Variants in GALNT18 observed in about 807,000 individuals in gnomAD.
The protein encoded by GALNT18 is GalNAc-transferase 18.
A neutral mutation model predicts 69.5 loss-of-function variants in GALNT18; 44 were observed. The observed-to-expected ratio is 0.63, with a 90% CI of 0.50 to 0.81. GALNT18 has a LOEUF of 0.81. Among genes scored for constraint, GALNT18 ranks in the 40% least tolerant of loss-of-function variants. GALNT18 has a pLI of 0.00. For missense variants in GALNT18, 715 were observed against 810.0 expected (o/e 0.88, Z 1.42); for synonymous variants, 364 against 318.2 (o/e 1.14, Z -1.53).
chr11:11,294,867 T>C (rs1849368041), intron 9 of GALNT18, among the ~76,000 whole-genome samples: 1 of 152,148 alleles, frequency 6.6e-6, no homozygotes, highest in African/African-American at 2.4e-5. Context: ...CCCTCATCAC[T>C]AGTGCTCCCC....
At chr11:11,547,568 T>A (rs962812370) in intron 1 of GALNT18, among the ~76,000 whole-genome samples, 1 of 152,088 alleles carries the variant, frequency 6.6e-6, no homozygotes, top group Admixed American at 6.5e-5. Context: ...AGGAAGCCCC[T>A]CTTTGATACC....
rs1858858884 is a variant in GALNT18 at position 11,573,942 on chromosome 11, A to C, written c.235+47417T>G. ...ATCAACATCTCATTATAGAAGGCAG[A>C]GTTCAGAGAAATTAGGATGGCTGCC... On this transcript the variant is annotated intron_variant, in intron 1 of 10. Coordinates refer to ENST00000227756, the MANE Select transcript of GALNT18 (RefSeq NM_198516.3). The surrounding 1 kb of genome is among the most constrained non-coding windows in gnomAD (Gnocchi z 4.6). Among the ~76,000 whole-genome samples the C allele has an allele frequency of 6.6e-6, 1 of 152,178 alleles. No individual in the cohort carries two copies. Among genetic ancestry groups the C allele is most frequent in the African/African-American group, 2.4e-5 (1 of 41,454 alleles).
chr11:11,425,722 A>C (rs561775653), intron 3 of GALNT18, among the ~76,000 whole-genome samples: 1 of 152,286 alleles, frequency 6.6e-6, no homozygotes, highest in Non-Finnish European at 1.5e-5. Context: ...TTCACTGGGC[A>C]CTTGCTCTGT....
At chr11:11,361,455 T>C (rs949169462) in intron 6 of GALNT18, among the ~76,000 whole-genome samples, 3 of 152,240 alleles carry the variant, frequency 2.0e-5, no homozygotes, top group Non-Finnish European at 2.9e-5. Flanking sequence ...CTTAGGACAG[T>C]ATCTCACATA....
intron 1 of GALNT18, among the ~76,000 whole-genome samples, chr11:11,534,043 C>T (rs549786999): frequency 6.6e-6 from 1 of 152,368 alleles, no homozygotes; most frequent in Admixed American, 6.5e-5. Context: ...ACACCCCATG[C>T]TAGCACCCCT....
rs183436223 is a variant in GALNT18, at chr11:11,406,886, C to T, written c.595+25735G>A. 3.9e-5 allele frequency among the ~76,000 whole-genome samples: 6 copies of T among 152,326 alleles called. No individual in the cohort carries two copies. The East Asian group carries it at 1.2e-3, about 29-fold the overall frequency. ...TGGAAGAAAGCCCAAGGCCTTGCCC[C>T]ATAGGTGTGGGTCTTCAGGTTCTTT... is the stretch of plus-strand genomic sequence containing the variant. On this transcript the variant is annotated intron_variant, in intron 3 of 10. Transcript: ENST00000227756.
intron 1 of GALNT18, among the ~76,000 whole-genome samples, chr11:11,483,172 TC>T (rs67517967): frequency 0.48 from 72,247 of 151,934 alleles, 17,497 homozygotes; most frequent in Admixed American, 0.59. Context: ...CTGTCTTGCC[TC>T]CTTGCCTCTA....
At chr11:11,537,100 T>C (rs1477004679) in intron 1 of GALNT18, among the ~76,000 whole-genome samples, 1 of 152,242 alleles carries the variant, frequency 6.6e-6, no homozygotes, top group Non-Finnish European at 1.5e-5. Flanking sequence ...TTTATCCAGA[T>C]CAACTCTGCT....
intron 1 of GALNT18, among the ~76,000 whole-genome samples, chr11:11,611,924 T>C (rs1334292044): frequency 6.6e-6 from 1 of 152,172 alleles, no homozygotes; most frequent in African/African-American, 2.4e-5. Flanking sequence ...CCCTCCAGGT[T>C]CCTTGTAGAC....
intron 1 of GALNT18, among the ~76,000 whole-genome samples, chr11:11,458,201 G>C (rs192252675): frequency 1.3e-5 from 2 of 152,348 alleles, no homozygotes; most frequent in Admixed American, 6.5e-5. Context: ...CCGACTGTCA[G>C]AGGTCACTGT....
chr11:11,519,519 T>C (rs1337821365), intron 1 of GALNT18, among the ~76,000 whole-genome samples: 1 of 152,150 alleles, frequency 6.6e-6, no homozygotes, highest in Admixed American at 6.5e-5. Flanking sequence ...AAAGCAGTGT[T>C]GGGAAAGGTG....
At chr11:11,352,326 A>T (rs756623638) in intron 6 of GALNT18, 1 of 1,614,032 alleles carries the variant, frequency 6.2e-7, no homozygotes, top group Admixed American at 1.7e-5. Flanking sequence ...ACGTGGATCT[A>T]ATTCAATGTT....
At chr11:11,283,625 G>A (rs918728034) in intron 10 of GALNT18, among the ~76,000 whole-genome samples, 9 of 152,198 alleles carry the variant, frequency 5.9e-5, no homozygotes, top group African/African-American at 1.9e-4. Context: ...CATGGCTCTA[G>A]GCTGGGGCTT....
intron 9 of GALNT18, among the ~76,000 whole-genome samples, chr11:11,306,411 C>T (rs1849580435): frequency 6.6e-6 from 1 of 152,118 alleles, no homozygotes. Context: ...AAATGGAGTT[C>T]ATGTGGATAA....
intron 1 of GALNT18, among the ~76,000 whole-genome samples, chr11:11,510,052 C>A (rs1590061811): frequency 1.3e-5 from 2 of 152,270 alleles, no homozygotes; most frequent in South Asian, 4.1e-4. Flanking sequence ...TCACTATGGC[C>A]CAGTGAGTAC....
chr11:11,318,043 A>G lies in GALNT18; in HGVS notation c.1512+9043T>C, dbSNP rs530766006. The stretch of plus-strand genomic sequence containing the variant: ...ATATCTAAGTTTTTGTGACAAAGAC[A>G]AGATCTCCCGGACACACAGAAAACC... On this transcript the variant is annotated intron_variant, in intron 9 of 10. Coordinates refer to ENST00000227756, the MANE Select transcript of GALNT18 (RefSeq NM_198516.3). The surrounding 1 kb of genome is among the most constrained non-coding windows in gnomAD (Gnocchi z 5.1). Among the ~76,000 whole-genome samples, 13 of 152,342 alleles carry G rather than the reference A, an allele frequency of 8.5e-5. No individual in the cohort carries two copies. Among genetic ancestry groups the G allele is most frequent in the African/African-American group, 3.1e-4 (13 of 41,586 alleles).
chr11:11,539,012 T>G (rs1857848708), intron 1 of GALNT18, among the ~76,000 whole-genome samples: 1 of 152,196 alleles, frequency 6.6e-6, no homozygotes, highest in South Asian at 2.1e-4. Context: ...TATCTTGTTC[T>G]CTGTGACATC....
intron 9 of GALNT18, among the ~76,000 whole-genome samples, chr11:11,294,388 G>A (rs1321227575): frequency 6.6e-6 from 1 of 152,146 alleles, no homozygotes; most frequent in Non-Finnish European, 1.5e-5. Context: ...GAAAGTGGGT[G>A]GTAAACCTAG....
chr11:11,340,103 C>CAACTT lies in GALNT18; in HGVS notation c.1278+715_1278+716insAAGTT, dbSNP rs1850177410. 6.6e-6 allele frequency among the ~76,000 whole-genome samples: 1 copy of CAACTT among 151,426 alleles called. No individual in the cohort carries two copies. The highest frequency in any genetic ancestry group is 2.4e-5 in the African/African-American group (1 of 41,166). ...TTGGAATCATGTGGCTGGCATCTCT[C>CAACTT]AGTAGTAGAGCTGGGTTCTCTCAAC... On this transcript the variant is annotated intron_variant, in intron 7 of 10. Transcript: ENST00000227756. The surrounding 1 kb of genome is among the most constrained non-coding windows in gnomAD (Gnocchi z 4.2).
Sources: allele counts gnomAD v4.1 joint callset (sites outside exome capture counted in the v4.1 genomes callset), GRCh38; gene constraint gnomAD v4.1.1; non-coding constraint Gnocchi (gnomAD v3.1); transcripts MANE v1.5; gene names NCBI Gene and HGNC (gene_info 2026-07-23, HGNC 2026-07-21).